Variants in CNOT6L observed in about 807,000 individuals in gnomAD.
CNOT6L encodes CCR4-NOT transcription complex subunit 6-like.
In CNOT6L, 7 loss-of-function variants were observed where a neutral mutation model predicts 64.0. The ratio of observed to expected loss-of-function variants is 0.11; its 90% CI spans 0.06 to 0.21. The LOEUF is 0.21. Ranked by LOEUF, CNOT6L falls within the 10% of genes least tolerant of loss-of-function variation. The pLI, the probability that CNOT6L is intolerant of heterozygous loss-of-function variation, is 1.00. For missense variants in CNOT6L, 245 were observed against 669.0 expected, an observed-to-expected ratio of 0.37 and a Z score of 6.99; for synonymous variants, 193 against 243.4, an observed-to-expected ratio of 0.79 and a Z score of 1.93.
rs1486603833 is a variant in CNOT6L at position 77,715,944 on chromosome 4, G to C, written c.*4487C>G. The C allele has an allele frequency of 6.6e-6, 1 of 152,400 alleles. No homozygotes were observed. Among genetic ancestry groups the C allele is most frequent in the Non-Finnish European group, 1.5e-5 (1 of 67,942 alleles). 9.4% of individuals were successfully genotyped at this position (152,400 alleles called of 1,614,324 possible). A position where few individuals can be genotyped will look rare whatever the true frequency, so the allele number is the denominator to read the frequency against. ...ATGATGCTATTACAAAATTAGAATC[G>C]CCCAAAGCAACCATAGTATAAAAGT... On this transcript the variant is annotated 3_prime_UTR_variant, in exon 12 of 12. Coordinates refer to ENST00000504123, the MANE Select transcript of CNOT6L (RefSeq NM_144571.3).
In CNOT6L at chr4:77,715,063, GACC is replaced by G; in HGVS notation, c.*5365_*5367del. ...TACGAAACTGAAATGAGCAAGAAAG[GACC>G]ACTTCTGAGAGGGTTACCATGATTC... On this transcript the variant is annotated 3_prime_UTR_variant, in exon 12 of 12. Transcript: ENST00000504123. 6.6e-6 allele frequency: 1 copy of G among 152,186 alleles called. No individual in the cohort carries two copies. The highest frequency in any genetic ancestry group is 2.1e-4 in the South Asian group (1 of 4,822). The allele number at this position is 152,186 out of a possible 1,614,324, so 9.4% of individuals were successfully genotyped here. A position where few individuals can be genotyped will look rare whatever the true frequency, so the allele number is the denominator to read the frequency against.
chr4:77,804,543 T>A (rs1447272785), intron 1 of CNOT6L, among the ~76,000 whole-genome samples: 1 of 152,142 alleles, frequency 6.6e-6, no homozygotes, highest in East Asian at 1.9e-4. Context: ...CTACTTATAT[T>A]AAATGACTAG....
chr4:77,818,193 C>T (rs1733784961), intron 1 of CNOT6L, among the ~76,000 whole-genome samples: 1 of 152,164 alleles, frequency 6.6e-6, no homozygotes, highest in Admixed American at 6.5e-5. Flanking sequence ...TGTGTACAAA[C>T]GGCTCAGCTA....
At chr4:77,790,777 T>C (rs1462230276) in intron 1 of CNOT6L, among the ~76,000 whole-genome samples, 1 of 151,504 alleles carries the variant, frequency 6.6e-6, no homozygotes, top group African/African-American at 2.4e-5. Flanking sequence ...GCTTCCCAAG[T>C]AGCCAGAATT....
intron 1 of CNOT6L, among the ~76,000 whole-genome samples, chr4:77,817,781 G>C (rs181528307): frequency 3.3e-5 from 5 of 152,316 alleles, no homozygotes; most frequent in African/African-American, 1.2e-4. Context: ...TTCTTTGTGA[G>C]ACCAGGTGCA....
chr4:77,772,986 C>T, intron 4 of CNOT6L, 95 bp downstream of exon 4: 3 of 702,214 alleles, frequency 4.3e-6, no homozygotes, highest in Non-Finnish European at 7.3e-6. Context: ...CACGTAGTCA[C>T]ATTCTAAAAC....
intron 11 of CNOT6L, 90 bp from the exon 12 acceptor site, chr4:77,720,733 C>G: frequency 7.9e-7 from 1 of 1,269,296 alleles, no homozygotes; most frequent in Non-Finnish European, 1.1e-6. Context: ...AACTGACTAC[C>G]CTTTCTTCTG....
At chr4:77,788,480 C>G (rs1729714087) in intron 1 of CNOT6L, among the ~76,000 whole-genome samples, 1 of 152,176 alleles carries the variant, frequency 6.6e-6, no homozygotes. Context: ...GTAATCCCAG[C>G]ACTTTGGGAA....
rs1720822949 is a variant in CNOT6L at position 77,717,077 on chromosome 4, A to ATATC, written c.*3350_*3353dup. The ATATC allele has an allele frequency of 6.6e-6, 1 of 152,568 alleles. No homozygotes were observed. The highest frequency in any genetic ancestry group is 2.4e-5 in the African/African-American group (1 of 41,456). 9.5% of individuals were successfully genotyped at this position (152,568 alleles called of 1,614,324 possible). On this transcript the variant is annotated 3_prime_UTR_variant, in exon 12 of 12. Coordinates refer to ENST00000504123, the MANE Select transcript of CNOT6L (RefSeq NM_144571.3). Reference sequence around the variant, plus strand: ...ATCATAAATCTGGAACAGATTTACTATATCTGAATTCTAAAAAGTTGCCTA... The same window carrying ATATC: ...ATCATAAATCTGGAACAGATTTACTATATCTATCTGAATTCTAAAAAGTTGCCTA...
chr4:77,738,689 G>A (rs1723241180), intron 8 of CNOT6L, among the ~76,000 whole-genome samples: 1 of 148,182 alleles, frequency 6.7e-6, no homozygotes, highest in African/African-American at 2.5e-5. Context: ...GGAGGCGGAG[G>A]TTGCAGTGGG....
Position 77,768,573 on chromosome 4 carries a change from A to C in CNOT6L, c.400+4508T>G, listed in dbSNP as rs112443443. Among the ~76,000 whole-genome samples, 1,095 of 149,384 alleles carry C rather than the reference A, an allele frequency of 7.3e-3. 16 individuals carry two copies. The highest frequency in any genetic ancestry group is 0.051 in the Middle Eastern group (15 of 292). On this transcript the variant is annotated intron_variant, in intron 4 of 11. Coordinates refer to ENST00000504123, the MANE Select transcript of CNOT6L (RefSeq NM_144571.3). ...ACAAAAGGAAAAGCCATAGAGTGGG[A>C]GAAGACACTTATAACGCAAAATAGA...
At position 77,744,343 on chromosome 4, in the gene CNOT6L, C is replaced by CT. The variant is rs775352504; in HGVS notation, c.717+374dup. Among the ~76,000 whole-genome samples the CT allele has an allele frequency of 5.9e-3, 862 of 146,628 alleles. 6 individuals carry two copies. Among genetic ancestry groups the CT allele is most frequent in the African/African-American group, 0.017 (680 of 39,434 alleles). Reference sequence around the variant, plus strand: ...TGTTTAAGGAATAACTGTGGGCAAGCTTTTTTTTTTAAAAAAAAACAGACT... The same window carrying CT: ...TGTTTAAGGAATAACTGTGGGCAAGCTTTTTTTTTTTAAAAAAAAACAGACT... On this transcript the variant is annotated intron_variant, in intron 7 of 11. Coordinates refer to ENST00000504123, the MANE Select transcript of CNOT6L (RefSeq NM_144571.3).
intron 1 of CNOT6L, among the ~76,000 whole-genome samples, chr4:77,792,371 C>T (rs1416416866): frequency 6.6e-6 from 1 of 152,028 alleles, no homozygotes; most frequent in Non-Finnish European, 1.5e-5. Context: ...ATTGACCAAT[C>T]CCAGTGGCAG....
intron 9 of CNOT6L, among the ~76,000 whole-genome samples, chr4:77,730,241 C>T (rs148067867): frequency 2.6e-5 from 4 of 152,070 alleles, no homozygotes; most frequent in Admixed American, 6.6e-5. Context: ...TTATATCTGA[C>T]ATAGTCACCT....
At chr4:77,787,103 T>TA in intron 1 of CNOT6L, among the ~76,000 whole-genome samples, 1 of 151,066 alleles carries the variant, frequency 6.6e-6, no homozygotes, top group Middle Eastern at 3.4e-3. Context: ...CCGTCTCTAT[T>TA]AAAAATACAA....
At chr4:77,792,199 A>G (rs1434652046) in intron 1 of CNOT6L, among the ~76,000 whole-genome samples, 1 of 152,112 alleles carries the variant, frequency 6.6e-6, no homozygotes, top group Non-Finnish European at 1.5e-5. Flanking sequence ...TCTTTTTGAA[A>G]CCAAAGTGCA....
At chr4:77,787,969 G>T (rs1483764909) in intron 1 of CNOT6L, among the ~76,000 whole-genome samples, 1 of 152,130 alleles carries the variant, frequency 6.6e-6, no homozygotes, top group Admixed American at 6.5e-5. Flanking sequence ...TAAATCCTTT[G>T]TCTTTAAAGT....
intron 11 of CNOT6L, among the ~76,000 whole-genome samples, chr4:77,725,713 A>G (rs1054685543): frequency 5.3e-5 from 8 of 152,242 alleles, no homozygotes; most frequent in African/African-American, 1.9e-4. Context: ...ATACTAAGAT[A>G]TCAATGGAAA....
intron 4 of CNOT6L, among the ~76,000 whole-genome samples, chr4:77,760,204 T>C (rs891116762): frequency 2.6e-5 from 4 of 151,886 alleles, no homozygotes; most frequent in Non-Finnish European, 4.4e-5. Flanking sequence ...GAGACCCCCA[T>C]CTCTACAAAC....
Sources: gnomAD v4.1 joint callset for allele counts (sites outside exome capture counted in the v4.1 genomes callset) on GRCh38, gnomAD v4.1.1 for gene constraint, MANE v1.5 for transcripts, NCBI Gene and HGNC (gene_info 2026-07-23, HGNC 2026-07-21) for gene names.